The following MED12L variants were observed in gnomAD, a reference collection of about 807,000 sequenced individuals.
MED12L encodes the protein mediator of RNA polymerase II transcription subunit 12-like protein.
MED12L carries 60 observed loss-of-function variants against 281.3 expected under a neutral mutation model. That is an observed-to-expected ratio of 0.21 (90% CI 0.17 to 0.26). The LOEUF is 0.26. Ranked by LOEUF, MED12L falls within the 10% of genes least tolerant of loss-of-function variation. The pLI is 1.00. For synonymous variants in MED12L, 974 were observed against 987.2 expected, an observed-to-expected ratio of 0.99 and a Z score of 0.25; for missense variants, 2,146 against 2,680.9, an observed-to-expected ratio of 0.80 and a Z score of 4.41.
chr3:151,090,630 A>G (rs73012980), intron 2 of MED12L, among the ~76,000 whole-genome samples: 13 of 152,332 alleles, frequency 8.5e-5, no homozygotes, highest in African/African-American at 2.6e-4. Flanking sequence ...GGGAAAGTCA[A>G]GGTTAAAGCT....
intron 16 of MED12L, among the ~76,000 whole-genome samples, chr3:151,285,851 CAG>C (rs1743427821): frequency 6.6e-6 from 1 of 152,150 alleles, no homozygotes. Flanking sequence ...TGTAAGGACA[CAG>C]GGCACCATCC....
intron 36 of MED12L, among the ~76,000 whole-genome samples, chr3:151,385,415 T>C (rs1434071861): frequency 6.6e-6 from 1 of 152,154 alleles, no homozygotes; most frequent in Non-Finnish European, 1.5e-5. Flanking sequence ...AATGTTTCCC[T>C]GAATTTAAGT....
rs576795561 is a variant in MED12L at position 151,334,454 on chromosome 3, A to G, written c.2251-15605A>G. Among the ~76,000 whole-genome samples the G allele has an allele frequency of 2.7e-3, 401 of 150,604 alleles. 2 individuals are homozygous for G. Among genetic ancestry groups the G allele is most frequent in the African/African-American group, 8.4e-3 (343 of 41,058 alleles). On this transcript the variant is annotated intron_variant, in intron 16 of 44. Transcript: ENST00000687756. ...TTTTTTTTGTAAAAGGTTTTTTTCC[A>G]CCTGTTTTTAAAGTACTGGTCCAGG... is the stretch of plus-strand genomic sequence containing the variant.
chr3:151,319,452 TGTGTGTGTGTGTGTGC>T (rs956032668), intron 16 of MED12L, among the ~76,000 whole-genome samples: 5 of 105,906 alleles, frequency 4.7e-5, no homozygotes, highest in Admixed American at 1.0e-4. Context: ...AACATCCAGG[TGTGTGTGTGTGTGTGC>T]GTGTGTGTGT....
chr3:151,167,601 T>C, intron 11 of MED12L, among the ~76,000 whole-genome samples: 1 of 152,238 alleles, frequency 6.6e-6, no homozygotes, highest in East Asian at 1.9e-4. Flanking sequence ...TCAAGACTAA[T>C]GGTGCCAGCT....
intron 16 of MED12L, chr3:151,316,774 AT>A (rs1234813887): frequency 6.6e-6 from 1 of 152,150 alleles, no homozygotes; most frequent in Non-Finnish European, 1.5e-5. Flanking sequence ...CCCTTTAGAG[AT>A]TGTCCTTTGG....
intron 16 of MED12L, among the ~76,000 whole-genome samples, chr3:151,273,739 C>T (rs560044263): frequency 1.4e-4 from 22 of 152,254 alleles, no homozygotes; most frequent in African/African-American, 5.3e-4. Flanking sequence ...TTATGCTATA[C>T]TACTTGGCAT....
chr3:151,151,898 T>G (rs1467802910), intron 5 of MED12L, among the ~76,000 whole-genome samples: 1 of 152,070 alleles, frequency 6.6e-6, no homozygotes, highest in Non-Finnish European at 1.5e-5. Flanking sequence ...CAAAGCCCAG[T>G]AAGGCAAAGT....
intron 16 of MED12L, chr3:151,213,719 G>T: frequency 6.2e-7 from 1 of 1,614,134 alleles, no homozygotes; most frequent in South Asian, 1.1e-5. Flanking sequence ...ATTAACAAAA[G>T]AAACACAATC....
Position 151,326,796 on chromosome 3 carries a change from A to G in MED12L, c.2251-23263A>G, listed in dbSNP as rs1475947986. 3 of 152,018 alleles carry G rather than the reference A, an allele frequency of 2.0e-5. No individual in the cohort carries two copies. The East Asian group carries it at 5.8e-4, about 29-fold the overall frequency. The allele number at this position is 152,018 out of a possible 1,614,324, so 9.4% of individuals were successfully genotyped here. ...CGTGGCACATTTACAGAGCTTAACT[A>G]CTCCTTTATGTATTTTTTCTAGAAG... On this transcript the variant is annotated intron_variant, in intron 16 of 44. Coordinates refer to ENST00000687756, the MANE Select transcript of MED12L (RefSeq NM_001393769.1).
At position 151,364,981 on chromosome 3, in the gene MED12L, G is replaced by T. The variant is rs1393290666; in HGVS notation, c.2960G>T (p.Ser987Ile). 1.2e-6 allele frequency: 2 copies of T among 1,610,860 alleles called. No individual in the cohort carries two copies. ...LRSKFGDLFS[S>I]ACSKVKQTIY... is the part of the protein sequence containing the mutation. ...AACTTTTTTTCTTATAACCTCAGTA[G>T]TGCCTGTTCAAAAGTAAAGCAAACC... Residue 987 changes from serine (S) to isoleucine (I), a missense_variant and splice_region_variant, in exon 22 of 45, where the codon AGT (serine) becomes ATT (isoleucine). Coordinates refer to ENST00000687756, the MANE Select transcript of MED12L (RefSeq NM_001393769.1).
intron 41 of MED12L, 115 bp downstream of exon 41, chr3:151,411,622 G>T: frequency 1.1e-6 from 1 of 918,856 alleles, no homozygotes; most frequent in Non-Finnish European, 1.7e-6. Flanking sequence ...CATATTTGCA[G>T]ATAATTTGCA....
chr3:151,086,521 T>C (rs373861616), intron 1 of MED12L: 2,723 of 149,216 alleles, frequency 0.018, 88 homozygotes, highest in African/African-American at 0.065. Context: ...CCCACCCCCA[T>C]CCTGCGCCCA....
intron 16 of MED12L, among the ~76,000 whole-genome samples, chr3:151,347,674 G>A (rs79085819): frequency 0.023 from 3,550 of 152,224 alleles, 145 homozygotes; most frequent in African/African-American, 0.082. Flanking sequence ...AAGGCAGTTC[G>A]GTGTGGGTGT....
At chr3:151,196,385 G>T (rs1049381371) in intron 16 of MED12L, among the ~76,000 whole-genome samples, 1 of 152,082 alleles carries the variant, frequency 6.6e-6, no homozygotes, top group African/African-American at 2.4e-5. Context: ...TTAATAAAAA[G>T]AGAAAATCTG....
intron 5 of MED12L, among the ~76,000 whole-genome samples, chr3:151,129,616 G>A (rs6772640): frequency 0.3 from 46,055 of 151,664 alleles, 9,006 homozygotes; most frequent in African/African-American, 0.56. Context: ...ATGATGTTCA[G>A]GTTTCTCTTC....
At chr3:151,155,780 A>T (rs1325495235) in intron 5 of MED12L, among the ~76,000 whole-genome samples, 1 of 152,140 alleles carries the variant, frequency 6.6e-6, no homozygotes, top group Admixed American at 6.5e-5. Context: ...TCTCCCCTTC[A>T]CGATTCTGTC....
chr3:151,202,030 A>G (rs1356237117), intron 16 of MED12L, among the ~76,000 whole-genome samples: 1 of 152,264 alleles, frequency 6.6e-6, no homozygotes, highest in African/African-American at 2.4e-5. Context: ...CTGACGATAT[A>G]TACCGTACAT....
chr3:151,271,688 C>A (rs1740976703), intron 16 of MED12L, among the ~76,000 whole-genome samples: 1 of 152,084 alleles, frequency 6.6e-6, no homozygotes, highest in African/African-American at 2.4e-5. Context: ...TGATGCGGGC[C>A]CACAATATAG....
Sources: gnomAD v4.1 joint callset for allele counts (sites outside exome capture counted in the v4.1 genomes callset) on GRCh38, gnomAD v4.1.1 for gene constraint, MANE v1.5 for transcripts, NCBI Gene and HGNC (gene_info 2026-07-23, HGNC 2026-07-21) for gene names.